The following CRPPA variants were observed in gnomAD, a reference collection of about 807,000 sequenced individuals.
CRPPA encodes CDP-L-ribitol pyrophosphorylase A.
CRPPA carries 43 observed loss-of-function variants against 52.0 expected under a neutral mutation model. The ratio of observed to expected loss-of-function variants is 0.83; its 90% CI spans 0.65 to 1.07. The LOEUF (loss-of-function observed/expected upper bound fraction) is 1.07, where lower values mean the gene tolerates loss of function less well. Ranked by LOEUF, CRPPA falls within the 50% of genes least tolerant of loss-of-function variation. The probability of loss-of-function intolerance (pLI) is 0.00; values close to 1 mark genes in which losing one functional copy is unlikely to be tolerated. For missense variants in CRPPA, 629 were observed against 551.7 expected (o/e 1.14, Z -1.40); for synonymous variants, 250 against 203.5 (o/e 1.23, Z -1.94).
At chr7:16,114,410 C>A (rs1782327629) in intron 9 of CRPPA, among the ~76,000 whole-genome samples, 1 of 151,620 alleles carries the variant, frequency 6.6e-6, no homozygotes, top group Non-Finnish European at 1.5e-5. Context: ...TCTCAATAAG[C>A]AATTTCTCCT....
intron 6 of CRPPA, among the ~76,000 whole-genome samples, chr7:16,259,562 G>T (rs1426252349): frequency 1.3e-5 from 2 of 151,956 alleles, no homozygotes; most frequent in Non-Finnish European, 2.9e-5. Flanking sequence ...TCCGAGATTA[G>T]ATTAGATTTA....
chr7:16,397,587 G>GAC (rs58320430), intron 2 of CRPPA, among the ~76,000 whole-genome samples: 34,091 of 152,118 alleles, frequency 0.22, 6,527 homozygotes, highest in African/African-American at 0.52. Flanking sequence ...TATGAGACGT[G>GAC]ACAGATTACT....
intron 8 of CRPPA, among the ~76,000 whole-genome samples, chr7:16,241,500 C>T (rs183154040): frequency 2.1e-4 from 32 of 152,028 alleles, no homozygotes; most frequent in Admixed American, 3.3e-4. Flanking sequence ...ATGGAAAATG[C>T]GATTAACTAT....
intron 5 of CRPPA, among the ~76,000 whole-genome samples, chr7:16,290,422 C>A (rs966553787): frequency 2.0e-5 from 3 of 151,872 alleles, no homozygotes; most frequent in African/African-American, 7.2e-5. Context: ...CTATAGTAAC[C>A]AAAACAGTAC....
chr7:16,400,751 G>T (rs1031896467), intron 2 of CRPPA, among the ~76,000 whole-genome samples: 3 of 152,252 alleles, frequency 2.0e-5, no homozygotes, highest in African/African-American at 7.2e-5. Flanking sequence ...CGTGGCACAT[G>T]ACCAATATGT....
At chr7:16,193,637 C>T (rs1781662342) in intron 9 of CRPPA, among the ~76,000 whole-genome samples, 1 of 151,944 alleles carries the variant, frequency 6.6e-6, no homozygotes, top group South Asian at 2.1e-4. Flanking sequence ...AGTATAAATA[C>T]CATAAATATA....
At chr7:16,120,563 C>T (rs1220785005) in intron 9 of CRPPA, among the ~76,000 whole-genome samples, 1 of 152,076 alleles carries the variant, frequency 6.6e-6, no homozygotes, top group African/African-American at 2.4e-5. Context: ...ATAGAAAAAG[C>T]TATAACATCA....
rs1450910590 is a variant in CRPPA, at chr7:16,421,366, C to T, written c.-44G>A. ...GAGCCCCGCTAGCCTCGGGCCGATG[C>T]GACCCCGCGCTGCTCCCACCCTCGG... On this transcript the variant is annotated 5_prime_UTR_variant, in exon 1 of 10. Transcript: ENST00000407010. 2 of 1,221,386 alleles carry T rather than the reference C, an allele frequency of 1.6e-6. No homozygotes were observed. Among genetic ancestry groups the T allele is most frequent in the Non-Finnish European group, 2.0e-6 (2 of 980,734 alleles). 75.7% of individuals were successfully genotyped at this position (1,221,386 alleles called of 1,614,324 possible). A position where few individuals can be genotyped will look rare whatever the true frequency, so the allele number is the denominator to read the frequency against.
At chr7:16,339,617 C>G (rs918837423) in intron 3 of CRPPA, among the ~76,000 whole-genome samples, 1 of 152,174 alleles carries the variant, frequency 6.6e-6, no homozygotes, top group African/African-American at 2.4e-5. Context: ...TCAAAGCAGT[C>G]CTGCTAAGAC....
intron 9 of CRPPA, among the ~76,000 whole-genome samples, chr7:16,096,442 T>C (rs1257091611): frequency 6.6e-6 from 1 of 152,104 alleles, no homozygotes; most frequent in Non-Finnish European, 1.5e-5. Flanking sequence ...ATTTTCAACA[T>C]AGAATCTATA....
chr7:16,363,071 C>A (rs190920935), intron 3 of CRPPA, among the ~76,000 whole-genome samples: 2 of 152,218 alleles, frequency 1.3e-5, no homozygotes, highest in African/African-American at 4.8e-5. Flanking sequence ...TATTCAATAA[C>A]CATTATGGAA....
At chr7:16,363,554 T>A (rs1786512513) in intron 3 of CRPPA, among the ~76,000 whole-genome samples, 1 of 152,160 alleles carries the variant, frequency 6.6e-6, no homozygotes, top group South Asian at 2.1e-4. Flanking sequence ...TTGATTTTTT[T>A]AGAGAAATAA....
At chr7:16,253,599 G>C (rs921110348) in intron 8 of CRPPA, among the ~76,000 whole-genome samples, 1 of 152,186 alleles carries the variant, frequency 6.6e-6, no homozygotes, top group African/African-American at 2.4e-5. Context: ...GGGGTGGAGA[G>C]TTCTGTAGAT....
In CRPPA at chr7:16,337,786, C is replaced by T. The variant is rs190780648; in HGVS notation, c.685-29159G>A. Among the ~76,000 whole-genome samples the T allele has an allele frequency of 3.3e-5, 5 of 152,150 alleles. No homozygotes were observed. In the East Asian group the frequency reaches 9.7e-4, roughly 29 times the overall value. Reference sequence around the variant, plus strand: ...TAACCTAGCAAAAAAACATACATTCCTAAACACAGACAACCTACCAAACTG... The same window carrying T: ...TAACCTAGCAAAAAAACATACATTCTTAAACACAGACAACCTACCAAACTG... On this transcript the variant is annotated intron_variant, in intron 3 of 9. Coordinates refer to ENST00000407010, the MANE Select transcript of CRPPA (RefSeq NM_001101426.4).
chr7:16,303,134 G>A, intron 4 of CRPPA, among the ~76,000 whole-genome samples: 1 of 152,148 alleles, frequency 6.6e-6, no homozygotes, highest in East Asian at 1.9e-4. Flanking sequence ...GCTTGTTTTA[G>A]AAATACTATA....
At chr7:16,144,920 CG>C (rs1384590217) in intron 9 of CRPPA, among the ~76,000 whole-genome samples, 4 of 152,144 alleles carry the variant, frequency 2.6e-5, no homozygotes, top group African/African-American at 7.2e-5. Flanking sequence ...GGGACAGACT[CG>C]GCAGTGATAC....
chr7:16,383,215 G>A (rs1431044052), intron 2 of CRPPA, among the ~76,000 whole-genome samples: 1 of 152,170 alleles, frequency 6.6e-6, no homozygotes, highest in Non-Finnish European at 1.5e-5. Flanking sequence ...CTAACAGACA[G>A]GACCCTCAGC....
In CRPPA at chr7:16,183,943, T is replaced by G. The variant is rs984751040; in HGVS notation, c.1251+32123A>C. 5.9e-5 allele frequency among the ~76,000 whole-genome samples: 9 copies of G among 152,094 alleles called. No individual in the cohort carries two copies. In the South Asian group the frequency reaches 1.5e-3, roughly 25 times the overall value. On this transcript the variant is annotated intron_variant, in intron 9 of 9. Transcript: ENST00000407010. Reference sequence around the variant, plus strand: ...TTATAAATTACCCAGTCTTGGGTAGTTTTTTTGTTTGTTTTTGAGACAGAG... The same window carrying G: ...TTATAAATTACCCAGTCTTGGGTAGGTTTTTTGTTTGTTTTTGAGACAGAG...
intron 3 of CRPPA, among the ~76,000 whole-genome samples, chr7:16,342,798 T>TAGATATATATAGATATATAGATATA (rs1491461185): frequency 2.0e-5 from 2 of 101,254 alleles, no homozygotes; most frequent in Admixed American, 1.2e-4. Flanking sequence ...TATATATATA[T>TAGATATATATAGATATATAGATATA]CTATATAGAT....
Sources: gnomAD v4.1 joint callset for allele counts (sites outside exome capture counted in the v4.1 genomes callset) on GRCh38, gnomAD v4.1.1 for gene constraint, MANE v1.5 for transcripts, NCBI Gene and HGNC (gene_info 2026-07-23, HGNC 2026-07-21) for gene names.